SEMA3A: variants seen among roughly 807,000 people sequenced by gnomAD.
SEMA3A encodes the protein semaphorin-3A.
A neutral mutation model predicts 97.9 loss-of-function variants in SEMA3A; 29 were observed. The observed-to-expected ratio is 0.30, with a 90% CI of 0.22 to 0.40. The LOEUF (loss-of-function observed/expected upper bound fraction) is 0.40. SEMA3A is among the 10% of genes least tolerant of loss of function. The pLI, the probability that SEMA3A is intolerant of heterozygous loss-of-function variation, is 1.00. For synonymous variants in SEMA3A, 321 were observed against 323.7 expected, an observed-to-expected ratio of 0.99 and a Z score of 0.09; for missense variants, 763 against 951.3, an observed-to-expected ratio of 0.80 and a Z score of 2.60.
At chr7:84,083,964 C>T (rs1373241482) in intron 4 of SEMA3A, among the ~76,000 whole-genome samples, 2 of 151,960 alleles carry the variant, frequency 1.3e-5, no homozygotes, top group East Asian at 3.9e-4. Context: ...ACAATAACAG[C>T]TAAATCTCAA....
chr7:84,333,261 T>C (rs1801948921), intron 2 of SEMA3A, among the ~76,000 whole-genome samples: 1 of 152,162 alleles, frequency 6.6e-6, no homozygotes, highest in Admixed American at 6.6e-5. Flanking sequence ...CTCCCTAAGT[T>C]GGTGTTTTCA....
At chr7:84,165,459 T>C (rs1403979027) in intron 1 of SEMA3A, among the ~76,000 whole-genome samples, 1 of 151,994 alleles carries the variant, frequency 6.6e-6, no homozygotes, top group Non-Finnish European at 1.5e-5. Flanking sequence ...ACTTAATATG[T>C]TGGAAGAGAA....
In SEMA3A at chr7:84,148,902, T is replaced by C. The variant is rs182228873; in HGVS notation, c.113-13951A>G. Among the ~76,000 whole-genome samples, 92 of 152,318 alleles carry C rather than the reference T, an allele frequency of 6.0e-4. 1 individual carries two copies. Among genetic ancestry groups the C allele is most frequent in the Admixed American group, 5.8e-3 (88 of 15,294 alleles). ...CTTCATTAGAAGAATATAGTGTATATAGTACATAGAACATACAAAATATGT... is the reference window on the plus strand; with the variant it reads ...CTTCATTAGAAGAATATAGTGTATACAGTACATAGAACATACAAAATATGT... On this transcript the variant is annotated intron_variant, in intron 1 of 16. Coordinates refer to ENST00000265362, the MANE Select transcript of SEMA3A (RefSeq NM_006080.3).
At position 84,110,480 on chromosome 7, in the gene SEMA3A, T is replaced by G. The variant is rs1795244820; in HGVS notation, c.443A>C (p.His148Pro). ...AAAAGCCAGCGTTACCTCAGGATGA[T>G]GTCCAATTTCAATGTAGGTGCAAAT... The part of the protein sequence containing the change: ...HPICTYIEIG[H>P]HPEDNIFKLE... The change falls in exon 4 of 17, where the codon CAT becomes CCT. Residue 148 changes from histidine (H) to proline (P), a missense_variant. His to Pro is a moderately conservative substitution (Grantham distance 77). Around this residue, in one of 2 missense-constraint regions of SEMA3A, gnomAD observed 678 missense variants for 881.3 expected, o/e 0.77. Coordinates refer to ENST00000265362, the MANE Select transcript of SEMA3A (RefSeq NM_006080.3). 6.2e-7 allele frequency: 1 copy of G among 1,613,816 alleles called. No homozygotes were observed. The highest frequency in any genetic ancestry group is 1.3e-5 in the African/African-American group (1 of 74,920).
rs1221025391 is a variant in SEMA3A, at chr7:84,388,031, T to C, written c.-245-16131A>G. On this transcript the variant is annotated intron_variant, in intron 1 of 3. Transcript: ENST00000424555. ...CAGATATAGGATAGAAGTCACCTCA[T>C]TTCCTATGTTAAAATATTGCCTTTA... Among the ~76,000 whole-genome samples the C allele has an allele frequency of 2.6e-5, 4 of 152,134 alleles. No individual in the cohort carries two copies. In the East Asian group the frequency reaches 7.7e-4, roughly 29 times the overall value.
intron 1 of SEMA3A, among the ~76,000 whole-genome samples, chr7:84,491,784 G>A (rs562185770): frequency 6.6e-6 from 1 of 152,214 alleles, no homozygotes; most frequent in East Asian, 1.9e-4. Flanking sequence ...TTTAAACCAA[G>A]CATGAAAGAC....
chr7:84,203,526 A>ATATATATCTTTTTT (rs372380784), intron 3 of SEMA3A, among the ~76,000 whole-genome samples: 1 of 25,660 alleles, frequency 3.9e-5, no homozygotes, highest in Non-Finnish European at 7.1e-5. Flanking sequence ...ATATATATAT[A>ATATATATCTTTTTT]TTTTTTTTTT....
intron 3 of SEMA3A, among the ~76,000 whole-genome samples, chr7:84,284,068 T>C (rs1483475252): frequency 6.6e-6 from 1 of 152,158 alleles, no homozygotes. Flanking sequence ...GTTATCAACA[T>C]CATGTCTGAA....
At chr7:84,043,877 G>A (rs1242239452) in intron 6 of SEMA3A, among the ~76,000 whole-genome samples, 2 of 152,014 alleles carry the variant, frequency 1.3e-5, no homozygotes, top group African/African-American at 4.8e-5. Context: ...CAATGCCTGT[G>A]TTTTCCCACA....
chr7:84,338,328 C>A (rs1268295077), intron 2 of SEMA3A, among the ~76,000 whole-genome samples: 1 of 151,994 alleles, frequency 6.6e-6, no homozygotes, highest in Non-Finnish European at 1.5e-5. Context: ...GCTTCCATAT[C>A]ATTTTAACTA....
intron 4 of SEMA3A, among the ~76,000 whole-genome samples, chr7:84,062,820 CA>C (rs1356102255): frequency 1.3e-5 from 2 of 151,516 alleles, no homozygotes; most frequent in Non-Finnish European, 1.5e-5. Flanking sequence ...GATCAAACTA[CA>C]AGGCCGCAGC....
At chr7:84,216,269 G>T (rs1318570741) in intron 3 of SEMA3A, among the ~76,000 whole-genome samples, 1 of 152,034 alleles carries the variant, frequency 6.6e-6, no homozygotes, top group African/African-American at 2.4e-5. Flanking sequence ...ACCACACCCG[G>T]CTAATTTTTG....
At chr7:84,461,526 G>C (rs1449853408) in intron 1 of SEMA3A, among the ~76,000 whole-genome samples, 1 of 151,200 alleles carries the variant, frequency 6.6e-6, no homozygotes, top group African/African-American at 2.4e-5. Context: ...GCATAATTTA[G>C]GAGACTTATG....
At chr7:83,999,954 T>C (rs546457298) in intron 12 of SEMA3A, among the ~76,000 whole-genome samples, 1 of 133,170 alleles carries the variant, frequency 7.5e-6, no homozygotes, top group South Asian at 2.2e-4. Context: ...CCTCACTTTA[T>C]GCATGGTCTC....
chr7:84,134,650 G>C (rs1796066835), intron 2 of SEMA3A, 144 bp downstream of exon 2: 1 of 572,284 alleles, frequency 1.7e-6, no homozygotes, highest in Non-Finnish European at 2.8e-6. Flanking sequence ...ATTCATTACT[G>C]TCATTTTTAT....
chr7:84,367,739 T>C (rs1466102610), intron 2 of SEMA3A, among the ~76,000 whole-genome samples: 1 of 150,862 alleles, frequency 6.6e-6, no homozygotes, highest in Non-Finnish European at 1.5e-5. Context: ...TAGACCTATA[T>C]ATATAGGTAG....
At chr7:84,441,540 C>A (rs1387478330) in intron 1 of SEMA3A, among the ~76,000 whole-genome samples, 4 of 151,694 alleles carry the variant, frequency 2.6e-5, no homozygotes, top group Non-Finnish European at 5.9e-5. Flanking sequence ...CTGAACAATG[C>A]CTTAGAGACC....
chr7:84,165,922 T>C (rs1338606164), intron 1 of SEMA3A, among the ~76,000 whole-genome samples: 1 of 152,116 alleles, frequency 6.6e-6, no homozygotes, highest in Non-Finnish European at 1.5e-5. Context: ...AACATGAGTA[T>C]GTATATCTAA....
chr7:83,971,520 C>T (rs1030784952), intron 15 of SEMA3A, among the ~76,000 whole-genome samples: 2 of 150,884 alleles, frequency 1.3e-5, no homozygotes, highest in Admixed American at 1.3e-4. Flanking sequence ...AAGTATATAA[C>T]AGTGATTTTG....
Sources: gnomAD v4.1 joint callset for allele counts (sites outside exome capture counted in the v4.1 genomes callset) on GRCh38, gnomAD v4.1.1 for gene constraint, gnomAD v4.1.1 regional missense constraint, MANE v1.5 for transcripts, NCBI Gene and HGNC (gene_info 2026-07-23, HGNC 2026-07-21) for gene names.